The following GRIA4 variants were observed in gnomAD, a reference collection of about 807,000 sequenced individuals.
GRIA4 encodes the protein glutamate ionotropic receptor AMPA type subunit 4, also known as glutamate receptor 4.
In GRIA4, 34 loss-of-function variants were observed where a neutral mutation model predicts 104.0. The observed-to-expected ratio is 0.33, with a 90% CI of 0.25 to 0.44. The LOEUF (loss-of-function observed/expected upper bound fraction) is 0.44, where lower values mean the gene tolerates loss of function less well. GRIA4 is among the 20% of genes least tolerant of loss of function. GRIA4 has a pLI of 1.00. For synonymous variants in GRIA4, 386 were observed against 381.9 expected, an observed-to-expected ratio of 1.01 and a Z score of -0.13; for missense variants, 750 against 1,096.5, an observed-to-expected ratio of 0.68 and a Z score of 4.46.
intron 10 of GRIA4, 117 bp downstream of exon 10, chr11:105,910,662 C>G: frequency 1.6e-6 from 1 of 620,910 alleles, no homozygotes; most frequent in Non-Finnish European, 3.0e-6. Context: ...CATGGGTGTT[C>G]TGATCCACAA....
At chr11:105,629,766 T>G (rs532324989) in intron 3 of GRIA4, among the ~76,000 whole-genome samples, 1 of 152,330 alleles carries the variant, frequency 6.6e-6, no homozygotes, top group South Asian at 2.1e-4. Context: ...TCTTTTGGCA[T>G]TTTAGTCTTT....
intron 3 of GRIA4, among the ~76,000 whole-genome samples, chr11:105,732,621 T>C (rs905935077): frequency 1.3e-5 from 2 of 152,156 alleles, no homozygotes; most frequent in African/African-American, 4.8e-5. Flanking sequence ...TCCAGTGCCT[T>C]CTATTGATGA....
At chr11:105,789,465 C>A (rs561134280) in intron 4 of GRIA4, among the ~76,000 whole-genome samples, 13 of 152,234 alleles carry the variant, frequency 8.5e-5, no homozygotes, top group African/African-American at 3.1e-4. Context: ...GTATGCCAAG[C>A]AAAATGCATA....
chr11:105,710,670 G>T (rs761229765), intron 3 of GRIA4, among the ~76,000 whole-genome samples: 26 of 152,052 alleles, frequency 1.7e-4, no homozygotes, highest in Admixed American at 9.8e-4. Context: ...TTTCAGTGCT[G>T]CCACTTAGCC....
At chr11:105,621,317 A>C (rs1288801297) in intron 3 of GRIA4, among the ~76,000 whole-genome samples, 1 of 151,606 alleles carries the variant, frequency 6.6e-6, no homozygotes, top group East Asian at 1.9e-4. Context: ...AAAAAGTTAG[A>C]ATATTCCTTA....
At chr11:105,905,027 A>G (rs1237537590) in intron 8 of GRIA4, among the ~76,000 whole-genome samples, 170 bp from the exon 9 acceptor site, 5 of 152,226 alleles carry the variant, frequency 3.3e-5, no homozygotes, top group Non-Finnish European at 5.9e-5. Context: ...TCCCTTTGAT[A>G]TTCCTATTTC....
At chr11:105,834,866 T>A (rs1487182545) in intron 4 of GRIA4, among the ~76,000 whole-genome samples, 1 of 151,990 alleles carries the variant, frequency 6.6e-6, no homozygotes, top group East Asian at 1.9e-4. Flanking sequence ...TCTTTAAATG[T>A]CAGCCTGCTG....
At chr11:105,899,929 A>G (rs1028542776) in intron 7 of GRIA4, among the ~76,000 whole-genome samples, 11 of 152,174 alleles carry the variant, frequency 7.2e-5, no homozygotes, top group Non-Finnish European at 1.2e-4. Context: ...CAGCACATCA[A>G]CACTATGCTT....
At chr11:105,693,914 AG>A (rs1953176805) in intron 3 of GRIA4, among the ~76,000 whole-genome samples, 1 of 152,202 alleles carries the variant, frequency 6.6e-6, no homozygotes, top group South Asian at 2.1e-4. Flanking sequence ...TGACTCAAAA[AG>A]CCTAAAATGT....
At chr11:105,894,810 T>TG (rs1946589447) in intron 6 of GRIA4, among the ~76,000 whole-genome samples, 1 of 101,166 alleles carries the variant, frequency 9.9e-6, no homozygotes, top group East Asian at 2.9e-4. Context: ...TTTTTTTTTT[T>TG]GAGACGGAGT....
At chr11:105,855,526 T>A (rs911272225) in intron 4 of GRIA4, among the ~76,000 whole-genome samples, 2 of 152,144 alleles carry the variant, frequency 1.3e-5, no homozygotes, top group African/African-American at 4.8e-5. Flanking sequence ...GAAAAAGTTG[T>A]ACTTTATGAG....
chr11:105,790,560 T>C (rs1390739438), intron 4 of GRIA4, among the ~76,000 whole-genome samples: 3 of 152,192 alleles, frequency 2.0e-5, no homozygotes, highest in Middle Eastern at 3.2e-3. Flanking sequence ...TAACAAAACA[T>C]GAAGCATCCC....
chr11:105,960,408 C>T (rs987225495), intron 14 of GRIA4, among the ~76,000 whole-genome samples: 4 of 152,186 alleles, frequency 2.6e-5, no homozygotes, highest in Non-Finnish European at 5.9e-5. Context: ...CTGCCACAGC[C>T]GGTGTGTTGA....
intron 3 of GRIA4, among the ~76,000 whole-genome samples, chr11:105,748,921 T>A (rs1231828942): frequency 6.6e-6 from 1 of 152,116 alleles, no homozygotes; most frequent in Admixed American, 6.6e-5. Context: ...AAGTGGGTGG[T>A]ACAGTTTGGG....
intron 3 of GRIA4, among the ~76,000 whole-genome samples, chr11:105,660,353 G>C (rs1951970972): frequency 6.6e-6 from 1 of 151,590 alleles, no homozygotes; most frequent in East Asian, 1.9e-4. Context: ...CTCATAAAAA[G>C]TATTGAATGT....
At chr11:105,726,557 C>A (rs1938222994) in intron 3 of GRIA4, among the ~76,000 whole-genome samples, 1 of 152,192 alleles carries the variant, frequency 6.6e-6, no homozygotes, top group South Asian at 2.1e-4. Context: ...GGACAGACTT[C>A]TTCCTCAAGT....
intron 3 of GRIA4, among the ~76,000 whole-genome samples, chr11:105,673,715 T>C (rs975364306): frequency 6.6e-6 from 1 of 152,074 alleles, no homozygotes; most frequent in South Asian, 2.1e-4. Context: ...AGCTTTATTA[T>C]ATTTATTTTG....
intron 3 of GRIA4, among the ~76,000 whole-genome samples, chr11:105,632,754 C>T (rs965514955): frequency 1.3e-5 from 2 of 151,934 alleles, no homozygotes; most frequent in Non-Finnish European, 2.9e-5. Flanking sequence ...GGCAACACAG[C>T]GGGACCCCGT....
At position 105,926,847 on chromosome 11, in the gene GRIA4, G is replaced by A. The variant is rs764271904; in HGVS notation, c.1954G>A (p.Val652Ile). 3 of 1,610,906 alleles carry A rather than the reference G, an allele frequency of 1.9e-6. No individual in the cohort carries two copies. The highest frequency in any genetic ancestry group is 1.7e-5 in the Admixed American group (1 of 59,836). The change falls in exon 13 of 17, where the codon GTC (valine) becomes ATC (isoleucine). Residue 652 changes from valine to isoleucine, a missense_variant. By Grantham distance (29) the Val-to-Ile change is conservative. Around this residue, in one of 3 missense-constraint regions of GRIA4, gnomAD observed 272 missense variants for 524.5 expected, o/e 0.52. Coordinates refer to ENST00000282499, the MANE Select transcript of GRIA4 (RefSeq NM_000829.4). Reference sequence around the variant, plus strand: ...TGCTTTCCTGACGGTTGAGCGAATGGTCTCTCCCATAGAAAGTGCAGAAGA... The same window carrying A: ...TGCTTTCCTGACGGTTGAGCGAATGATCTCTCCCATAGAAAGTGCAGAAGA... ...LAAFLTVERMVSPIESAEDLA... is the reference protein window; with the variant it reads ...LAAFLTVERMISPIESAEDLA...
Sources: gnomAD v4.1 joint callset for allele counts (sites outside exome capture counted in the v4.1 genomes callset) on GRCh38, gnomAD v4.1.1 for gene constraint, gnomAD v4.1.1 regional missense constraint, MANE v1.5 for transcripts, NCBI Gene and HGNC (gene_info 2026-07-23, HGNC 2026-07-21) for gene names.